AFG2A: variants seen among roughly 807,000 people sequenced by gnomAD.
The protein encoded by AFG2A is ATPase family gene 2 protein homolog A.
the AFG2A span, among the ~76,000 whole-genome samples, chr4:123,065,796 C>T: frequency 4.0e-5 from 6 of 151,770 alleles, no homozygotes; most frequent in Non-Finnish European, 8.8e-5. Flanking sequence ...GACATTCTGA[C>T]CTGACAAATT....
chr4:123,099,445 C>T, the AFG2A span, among the ~76,000 whole-genome samples: 3 of 151,584 alleles, frequency 2.0e-5, no homozygotes, highest in Non-Finnish European at 4.4e-5. Flanking sequence ...TGTCATGGAA[C>T]ATTTTCCCTA....
At chr4:123,160,736 A>G in the AFG2A span, among the ~76,000 whole-genome samples, 4 of 152,146 alleles carry the variant, frequency 2.6e-5, no homozygotes, top group African/African-American at 4.8e-5. Context: ...TACAAGTAGT[A>G]TCCCCTTATC....
At chr4:122,933,973 A>G in the AFG2A span, 3 of 1,140,844 alleles carry the variant, frequency 2.6e-6, no homozygotes, top group East Asian at 5.3e-5. Context: ...TATGACAATT[A>G]TTTTATTAAT....
chr4:123,286,859 T>TAAAA, the AFG2A span, among the ~76,000 whole-genome samples: 1 of 145,050 alleles, frequency 6.9e-6, no homozygotes, highest in East Asian at 2.0e-4. Flanking sequence ...GAAAGGCCTT[T>TAAAA]AAAAAAAAAA....
the AFG2A span, among the ~76,000 whole-genome samples, chr4:123,125,062 TAAAC>T: frequency 2.0e-5 from 3 of 152,180 alleles, no homozygotes; most frequent in Non-Finnish European, 2.9e-5. Context: ...TGTGTTCACA[TAAAC>T]AAAGTATGGA....
At chr4:123,249,959 C>T in the AFG2A span, among the ~76,000 whole-genome samples, 1 of 152,106 alleles carries the variant, frequency 6.6e-6, no homozygotes, top group African/African-American at 2.4e-5. Flanking sequence ...GAACTATTCT[C>T]TCCATGAATC....
the AFG2A span, among the ~76,000 whole-genome samples, chr4:123,051,789 C>G: frequency 2.0e-5 from 3 of 151,948 alleles, no homozygotes; most frequent in African/African-American, 2.4e-5. Context: ...CCTAAGGTTC[C>G]CACTGAAAAT....
At chr4:123,299,322 G>A in the AFG2A span, among the ~76,000 whole-genome samples, 1 of 152,144 alleles carries the variant, frequency 6.6e-6, no homozygotes, top group African/African-American at 2.4e-5. Flanking sequence ...GTCAAAACTG[G>A]TCTGGTTTCA....
At chr4:123,016,501 C>T in the AFG2A span, among the ~76,000 whole-genome samples, 2 of 149,026 alleles carry the variant, frequency 1.3e-5, no homozygotes, top group Admixed American at 6.7e-5. Context: ...GGGGCAGAGG[C>T]GCTCCCCACA....
chr4:123,122,953 C>A, the AFG2A span, among the ~76,000 whole-genome samples: 1 of 151,804 alleles, frequency 6.6e-6, no homozygotes, highest in Admixed American at 6.6e-5. Flanking sequence ...GAAAATTGAC[C>A]TTTTAACTTT....
chr4:122,941,636 G>T, the AFG2A span, among the ~76,000 whole-genome samples: 3 of 151,974 alleles, frequency 2.0e-5, no homozygotes, highest in Non-Finnish European at 4.4e-5. Flanking sequence ...TCCTTCTCCT[G>T]CCTGATTGCC....
chr4:123,122,761 G>T, the AFG2A span, among the ~76,000 whole-genome samples: 1 of 149,188 alleles, frequency 6.7e-6, no homozygotes, highest in Admixed American at 6.6e-5. Context: ...TTTTTTTTTG[G>T]CCATGTCATC....
chr4:123,091,653 A>C, the AFG2A span, among the ~76,000 whole-genome samples: 1 of 152,210 alleles, frequency 6.6e-6, no homozygotes, highest in African/African-American at 2.4e-5. Flanking sequence ...TTTTTTAAGA[A>C]GTTAGTCAGG....
the AFG2A span, among the ~76,000 whole-genome samples, chr4:123,066,533 C>T: frequency 3.3e-5 from 5 of 152,092 alleles, 1 homozygote; most frequent in Non-Finnish European, 5.9e-5. Context: ...TTGAACTATA[C>T]TACTGCTGTT....
At chr4:122,972,914 T>C in the AFG2A span, among the ~76,000 whole-genome samples, 3 of 152,154 alleles carry the variant, frequency 2.0e-5, no homozygotes, top group African/African-American at 7.2e-5. Context: ...TGTTTTTTAA[T>C]ATATACCAAT....
chr4:123,042,812 A>G, the AFG2A span, among the ~76,000 whole-genome samples: 1 of 152,188 alleles, frequency 6.6e-6, no homozygotes, highest in African/African-American at 2.4e-5. Context: ...AAGTTCTTAC[A>G]TCAATATACT....
chr4:123,115,786 G>GC, the AFG2A span, among the ~76,000 whole-genome samples: 1 of 152,232 alleles, frequency 6.6e-6, no homozygotes, highest in Middle Eastern at 3.2e-3. Context: ...ATGGCCCGCT[G>GC]CTGCCATCAA....
chr4:123,159,632 ATG>A, the AFG2A span, among the ~76,000 whole-genome samples: 1 of 152,178 alleles, frequency 6.6e-6, no homozygotes, highest in Non-Finnish European at 1.5e-5. Context: ...AGTGCATAGC[ATG>A]TAGAGCCTGG....
chr4:123,091,505 A>G, the AFG2A span, among the ~76,000 whole-genome samples: 2 of 152,180 alleles, frequency 1.3e-5, no homozygotes, highest in Non-Finnish European at 1.5e-5. Flanking sequence ...CAACATTTTC[A>G]TCTATACGAA....
Sources: gnomAD v4.1 joint callset for allele counts (sites outside exome capture counted in the v4.1 genomes callset) on GRCh38, gnomAD v4.1.1 for gene constraint, MANE v1.5 for transcripts, NCBI Gene and HGNC (gene_info 2026-07-23, HGNC 2026-07-21) for gene names.